CACNA2D4: variants seen among roughly 807,000 people sequenced by gnomAD.
CACNA2D4 encodes the protein voltage-dependent calcium channel subunit alpha-2/delta-4.
A neutral mutation model predicts 163.8 loss-of-function variants in CACNA2D4; 157 were observed. The observed-to-expected ratio is 0.96, with a 90% CI of 0.84 to 1.09. CACNA2D4 has a LOEUF of 1.09. Among genes scored for constraint, CACNA2D4 ranks in the 50% least tolerant of loss-of-function variants. The probability of loss-of-function intolerance (pLI) is 0.00; values close to 1 mark genes in which losing one functional copy is unlikely to be tolerated. For synonymous variants in CACNA2D4, 598 were observed against 586.9 expected (o/e 1.02, Z -0.27); for missense variants, 1,410 against 1,479.9 (o/e 0.95, Z 0.78).
intron 25 of CACNA2D4, 100 bp from the exon 26 acceptor site, chr12:1,840,919 C>A (rs751127965): frequency 2.0e-6 from 2 of 1,017,722 alleles, no homozygotes; most frequent in Non-Finnish European, 1.5e-6. Flanking sequence ...TAAAAGCAGG[C>A]GAAGGCATCC....
intron 6 of CACNA2D4, among the ~76,000 whole-genome samples, chr12:1,901,893 C>G (rs1375038318): frequency 6.6e-6 from 1 of 151,846 alleles, no homozygotes; most frequent in Non-Finnish European, 1.5e-5. Context: ...CAAAGACATA[C>G]CAAAACAAAA....
Position 1,798,834 on chromosome 12 carries a change from T to A in CACNA2D4, c.2995+841A>T, listed in dbSNP as rs935536516. On this transcript the variant is annotated intron_variant, in intron 34 of 37. Transcript: ENST00000382722. This position sits in a 1 kb window ranked among gnomAD's most constrained non-coding sequence, Gnocchi z 4.3. ...TGTCCTGTCACTGACACCTAGTGACTGTGAACACCCCAGAGCAGCCCCACC... is the reference window on the plus strand; with the variant it reads ...TGTCCTGTCACTGACACCTAGTGACAGTGAACACCCCAGAGCAGCCCCACC... 6.6e-6 allele frequency among the ~76,000 whole-genome samples: 1 copy of A among 152,108 alleles called. No homozygotes were observed. The highest frequency in any genetic ancestry group is 6.5e-5 in the Admixed American group (1 of 15,288).
chr12:1,885,392 A>ACAGCCCG (rs1592733935), intron 9 of CACNA2D4, among the ~76,000 whole-genome samples: 1 of 152,198 alleles, frequency 6.6e-6, no homozygotes, highest in South Asian at 2.1e-4. Context: ...CTCCCAGACC[A>ACAGCCCG]CAGCCCGCAG....
At chr12:1,858,339 G>A (rs554954864) in intron 20 of CACNA2D4, among the ~76,000 whole-genome samples, 8 of 152,270 alleles carry the variant, frequency 5.3e-5, no homozygotes, top group South Asian at 2.1e-4. Flanking sequence ...CTAGCAGTGC[G>A]GTTGGCAGGT....
At chr12:1,854,258 G>C (rs1343236764) in intron 22 of CACNA2D4, among the ~76,000 whole-genome samples, 1 of 152,168 alleles carries the variant, frequency 6.6e-6, no homozygotes, top group African/African-American at 2.4e-5. Context: ...CTTGATATCT[G>C]AGGCTCTTTC....
chr12:1,889,117 G>A lies in CACNA2D4; in HGVS notation c.782-2048C>T, dbSNP rs76290268. The stretch of plus-strand genomic sequence containing the variant: ...AGAATAGAATTATTGATTTAGAATT[G>A]CATTGTCAGCAAAACTATCATTCAA... On this transcript the variant is annotated intron_variant, in intron 6 of 37. Transcript: ENST00000382722. 7.3e-3 allele frequency among the ~76,000 whole-genome samples: 1,105 copies of A among 152,320 alleles called. 12 individuals carry two copies. The highest frequency in any genetic ancestry group is 0.025 in the African/African-American group (1,041 of 41,556).
At chr12:1,824,362 T>C (rs1282217140) in intron 26 of CACNA2D4, among the ~76,000 whole-genome samples, 1 of 152,338 alleles carries the variant, frequency 6.6e-6, no homozygotes. Flanking sequence ...CGCTGGTCCA[T>C]GGACCACACT....
At position 1,834,193 on chromosome 12, in the gene CACNA2D4, G is replaced by A; in HGVS notation, c.2551+6546C>T. 2 of 1,486,988 alleles carry A rather than the reference G, an allele frequency of 1.3e-6. No individual in the cohort carries two copies. Among genetic ancestry groups the A allele is most frequent in the Non-Finnish European group, 1.8e-6 (2 of 1,115,682 alleles). 92.1% of individuals were successfully genotyped at this position (1,486,988 alleles called of 1,614,324 possible). A position where few individuals can be genotyped will look rare whatever the true frequency, so the allele number is the denominator to read the frequency against. On this transcript the variant is annotated intron_variant, in intron 26 of 37. Transcript: ENST00000382722. This position sits in a 1 kb window ranked among gnomAD's most constrained non-coding sequence, Gnocchi z 7.6. ...CTACCTTCTGGGGCTTCCGTTTTGGGGAGCTGGGGATGGGGAGAGGGAGTG... is the reference window on the plus strand; with the variant it reads ...CTACCTTCTGGGGCTTCCGTTTTGGAGAGCTGGGGATGGGGAGAGGGAGTG...
At position 1,800,269 on chromosome 12, in the gene CACNA2D4, C is replaced by T. The variant is rs1030618486; in HGVS notation, c.2921+117G>A. On this transcript the variant is annotated intron_variant, in intron 32 of 37. Coordinates refer to ENST00000382722, the MANE Select transcript of CACNA2D4 (RefSeq NM_172364.5). The stretch of plus-strand genomic sequence containing the variant: ...GCCCAGGGATTGTGCCCTCCTTCCC[C>T]GGGGTCTGGTAGCAAGTGGGTTGTC... 62 of 1,173,212 alleles carry T rather than the reference C, an allele frequency of 5.3e-5. No homozygotes were observed. In the Admixed American group the frequency reaches 7.8e-4, roughly 15 times the overall value. The allele number at this position is 1,173,212 out of a possible 1,614,324, so 72.7% of individuals were successfully genotyped here. A position where few individuals can be genotyped will look rare whatever the true frequency, so the allele number is the denominator to read the frequency against.
intron 19 of CACNA2D4, among the ~76,000 whole-genome samples, chr12:1,859,644 C>T (rs1161946913): frequency 6.6e-6 from 1 of 152,170 alleles, no homozygotes; most frequent in South Asian, 2.1e-4. Context: ...TTATTGTCAC[C>T]CCCATTTTAC....
In CACNA2D4 at chr12:1,817,756, G is replaced by A. The variant is rs1863926426; in HGVS notation, c.2552-6033C>T. ...CAGCCTCGGCCTCCCGAGGTGCCGGGATTGCAGACGGAGTCTGGTTCACTC... is the reference window on the plus strand; with the variant it reads ...CAGCCTCGGCCTCCCGAGGTGCCGGAATTGCAGACGGAGTCTGGTTCACTC... On this transcript the variant is annotated intron_variant, in intron 26 of 37. Transcript: ENST00000382722. Among the ~76,000 whole-genome samples the A allele has an allele frequency of 3.3e-5, 5 of 152,206 alleles. No individual in the cohort carries two copies. The South Asian group carries it at 1.0e-3, about 31-fold the overall frequency.
At position 1,844,599 on chromosome 12, in the gene CACNA2D4, C is replaced by T. The variant is rs1431906463; in HGVS notation, c.2343-70G>A. Reference sequence around the variant, plus strand: ...CAGTCATCACTCTTTCCTTTTCTCACACAAGGTCAACTTGGCTGGGCTAAG... The same window carrying T: ...CAGTCATCACTCTTTCCTTTTCTCATACAAGGTCAACTTGGCTGGGCTAAG... On this transcript the variant is annotated intron_variant, in intron 24 of 37. Coordinates refer to ENST00000382722, the MANE Select transcript of CACNA2D4 (RefSeq NM_172364.5). The surrounding 1 kb of genome is among the most constrained non-coding windows in gnomAD (Gnocchi z 4.2). 52 of 1,533,750 alleles carry T rather than the reference C, an allele frequency of 3.4e-5. 1 individual carries two copies. The highest frequency in any genetic ancestry group is 1.4e-4 in the East Asian group (6 of 43,856).
At chr12:1,835,634 C>A (rs564890089) in intron 26 of CACNA2D4, 21 of 152,816 alleles carry the variant, frequency 1.4e-4, no homozygotes, top group African/African-American at 4.8e-4. Context: ...CAAAGTGGTG[C>A]CCCTGGAGGA....
At chr12:1,793,841 G>T in intron 37 of CACNA2D4, 82 bp from the exon 38 acceptor site, 1 of 1,161,048 alleles carries the variant, frequency 8.6e-7, no homozygotes, top group Non-Finnish European at 1.3e-6. Context: ...ACTAATTTGG[G>T]CCAAAATCCT....
intron 18 of CACNA2D4, among the ~76,000 whole-genome samples, chr12:1,867,065 G>A (rs765996163): frequency 6.6e-6 from 1 of 152,082 alleles, no homozygotes; most frequent in Non-Finnish European, 1.5e-5. Flanking sequence ...ATATACAGCA[G>A]TCTTATTGTT....
Position 1,910,049 on chromosome 12 carries a change from C to A in CACNA2D4, c.427-84G>T, listed in dbSNP as rs148182117. On this transcript the variant is annotated intron_variant, in intron 3 of 37. Coordinates refer to ENST00000382722, the MANE Select transcript of CACNA2D4 (RefSeq NM_172364.5). Reference sequence around the variant, plus strand: ...AGCAAGTGAAACAGTTGCCGGGTGACCCAGCAATCCCACTCCTGGGTGTAT... The same window carrying A: ...AGCAAGTGAAACAGTTGCCGGGTGAACCAGCAATCCCACTCCTGGGTGTAT... The A allele has an allele frequency of 2.4e-5, 26 of 1,071,162 alleles. No homozygotes were observed. The East Asian group carries it at 4.7e-4, about 19-fold the overall frequency. 66.4% of individuals were successfully genotyped at this position (1,071,162 alleles called of 1,614,324 possible).
intron 31 of CACNA2D4, 198 bp from the exon 32 acceptor site, chr12:1,800,636 T>C: frequency 1.6e-6 from 1 of 613,940 alleles, no homozygotes; most frequent in Non-Finnish European, 2.9e-6. Flanking sequence ...CTGAGCTAGC[T>C]GGGAAATGCC....
In CACNA2D4 at chr12:1,841,393, A is replaced by G. The variant is rs558231478; in HGVS notation, c.2471-574T>C. Among the ~76,000 whole-genome samples, 5 of 152,264 alleles carry G rather than the reference A, an allele frequency of 3.3e-5. No homozygotes were observed. The South Asian group carries it at 1.0e-3, about 32-fold the overall frequency. Reference sequence around the variant, plus strand: ...GCTCCACTTCTGGGACTCTGCAGCAACTCAGGGCAAGTCCTGAGGCTCCTG... The same window carrying G: ...GCTCCACTTCTGGGACTCTGCAGCAGCTCAGGGCAAGTCCTGAGGCTCCTG... On this transcript the variant is annotated intron_variant, in intron 25 of 37. Coordinates refer to ENST00000382722, the MANE Select transcript of CACNA2D4 (RefSeq NM_172364.5).
chr12:1,862,827 CT>C (rs1865552995), intron 18 of CACNA2D4, among the ~76,000 whole-genome samples: 1 of 152,130 alleles, frequency 6.6e-6, no homozygotes, highest in Admixed American at 6.5e-5. Context: ...TGGCTTTAGT[CT>C]TTTTGTTATT....
Sources: allele counts gnomAD v4.1 joint callset (sites outside exome capture counted in the v4.1 genomes callset), GRCh38; gene constraint gnomAD v4.1.1; non-coding constraint Gnocchi (gnomAD v3.1); transcripts MANE v1.5; gene names NCBI Gene and HGNC (gene_info 2026-07-23, HGNC 2026-07-21).